WWOX: variants seen among roughly 807,000 people sequenced by gnomAD.
The protein encoded by WWOX is WW domain-containing oxidoreductase.
In WWOX, 69 loss-of-function variants were observed where a neutral mutation model predicts 46.2. The ratio of observed to expected loss-of-function variants is 1.49; its 90% CI spans 1.23 to 1.82. The LOEUF is 1.82. Among genes scored for constraint, WWOX ranks in the 40% most tolerant of loss-of-function variants. The pLI is 0.00. For synonymous variants in WWOX, 359 were observed against 202.6 expected, an observed-to-expected ratio of 1.77 and a Z score of -6.56; for missense variants, 919 against 542.6, an observed-to-expected ratio of 1.69 and a Z score of -6.89.
chr16:78,718,092 G>GTTTTTTTTTTTTTTTATTTTTTTT, intron 8 of WWOX, among the ~76,000 whole-genome samples: 3 of 139,616 alleles, frequency 2.1e-5, no homozygotes, highest in South Asian at 2.2e-4. Flanking sequence ...GGTTCTGGTG[G>GTTTTTTTTTTTTTTTATTTTTTTT]TTGTATTTTT....
At chr16:78,944,002 T>C (rs895739315) in intron 8 of WWOX, among the ~76,000 whole-genome samples, 2 of 152,152 alleles carry the variant, frequency 1.3e-5, no homozygotes, top group Non-Finnish European at 2.9e-5. Context: ...TAGAAGCTCA[T>C]CAAGGAAAGG....
intron 8 of WWOX, among the ~76,000 whole-genome samples, chr16:79,142,341 A>C (rs532393784): frequency 6.6e-6 from 1 of 152,282 alleles, no homozygotes; most frequent in East Asian, 1.9e-4. Context: ...TTTGTGCTGG[A>C]ACTGGCTGCA....
At chr16:79,008,785 C>T (rs899968568) in intron 8 of WWOX, among the ~76,000 whole-genome samples, 4 of 152,218 alleles carry the variant, frequency 2.6e-5, no homozygotes, top group African/African-American at 9.6e-5. Context: ...GCACCTGTCC[C>T]AGGCCTTGTC....
intron 4 of WWOX, among the ~76,000 whole-genome samples, 168 bp from the exon 5 acceptor site, chr16:78,164,015 G>C (rs967701409): frequency 1.5e-4 from 23 of 152,110 alleles, no homozygotes; most frequent in African/African-American, 5.6e-4. Context: ...CCCCACAACT[G>C]TGGCCACTGA....
intron 8 of WWOX, among the ~76,000 whole-genome samples, chr16:78,754,834 T>C (rs1183263368): frequency 6.6e-6 from 1 of 152,160 alleles, no homozygotes; most frequent in Non-Finnish European, 1.5e-5. Flanking sequence ...GCCTGGGAGC[T>C]GTACTACCTC....
intron 8 of WWOX, among the ~76,000 whole-genome samples, chr16:79,051,700 A>G (rs2048170657): frequency 6.6e-6 from 1 of 152,242 alleles, no homozygotes; most frequent in African/African-American, 2.4e-5. Context: ...ACAAGGGTGT[A>G]AAAAGTAGAG....
intron 8 of WWOX, among the ~76,000 whole-genome samples, chr16:78,631,109 A>C (rs970776039): frequency 6.6e-6 from 1 of 152,172 alleles, no homozygotes; most frequent in Non-Finnish European, 1.5e-5. Context: ...CATTATATGC[A>C]AATACTATAC....
intron 5 of WWOX, among the ~76,000 whole-genome samples, chr16:78,195,903 A>G (rs868189822): frequency 6.6e-6 from 1 of 152,048 alleles, no homozygotes; most frequent in Non-Finnish European, 1.5e-5. Flanking sequence ...TTCCGTTCCA[A>G]CTGGGCTTTT....
chr16:78,437,876 A>G (rs1454911874), intron 8 of WWOX, among the ~76,000 whole-genome samples: 1 of 152,184 alleles, frequency 6.6e-6, no homozygotes, highest in Admixed American at 6.5e-5. Flanking sequence ...ATTACTCTAA[A>G]ATGTTTTGCA....
chr16:78,416,351 C>G (rs2082797356), intron 6 of WWOX, among the ~76,000 whole-genome samples: 1 of 152,168 alleles, frequency 6.6e-6, no homozygotes, highest in African/African-American at 2.4e-5. Context: ...TTTGTACAAG[C>G]CAATTAAGTG....
At chr16:78,192,720 T>A (rs2035922322) in intron 5 of WWOX, among the ~76,000 whole-genome samples, 1 of 152,234 alleles carries the variant, frequency 6.6e-6, no homozygotes. Context: ...CTTCCTTGTT[T>A]ATTTTTTGAC....
intron 8 of WWOX, among the ~76,000 whole-genome samples, chr16:79,147,160 C>T (rs554407924): frequency 7.0e-4 from 107 of 152,260 alleles, no homozygotes; most frequent in Non-Finnish European, 1.2e-3. Context: ...AAATGTGTAG[C>T]TTCCTTTATA....
In WWOX at chr16:79,098,152, A is replaced by G. The variant is rs115304813; in HGVS notation, c.1057-113456A>G. On this transcript the variant is annotated intron_variant, in intron 8 of 8. Coordinates refer to ENST00000566780, the MANE Select transcript of WWOX (RefSeq NM_016373.4). ...ATTTCAAACCTGTCTGCTCATCAGA[A>G]TCACCTGGGAGCTTGAAAACACACA... 6.2e-3 allele frequency among the ~76,000 whole-genome samples: 942 copies of G among 152,334 alleles called. 11 individuals carry two copies. Among genetic ancestry groups the G allele is most frequent in the African/African-American group, 0.022 (911 of 41,558 alleles).
At chr16:78,719,754 C>T (rs1157999443) in intron 8 of WWOX, among the ~76,000 whole-genome samples, 8 of 152,144 alleles carry the variant, frequency 5.3e-5, no homozygotes, top group Admixed American at 5.2e-4. Flanking sequence ...CTTTAAGCTT[C>T]ATCAAGTTAA....
intron 8 of WWOX, among the ~76,000 whole-genome samples, chr16:78,484,821 G>A (rs2084588245): frequency 6.6e-6 from 1 of 152,168 alleles, no homozygotes; most frequent in African/African-American, 2.4e-5. Context: ...CTGGAAGATG[G>A]GTGGGGTGGG....
chr16:79,207,938 A>G (rs2051574725), intron 8 of WWOX, among the ~76,000 whole-genome samples: 1 of 152,160 alleles, frequency 6.6e-6, no homozygotes, highest in South Asian at 2.1e-4. Context: ...GCTACTTAAC[A>G]TTTTCATCCC....
intron 8 of WWOX, among the ~76,000 whole-genome samples, chr16:78,931,405 G>C (rs901957573): frequency 6.6e-6 from 1 of 152,220 alleles, no homozygotes; most frequent in African/African-American, 2.4e-5. Flanking sequence ...GATGGAGGGA[G>C]AATGGGAAGT....
At chr16:79,043,509 A>C (rs2048010496) in intron 8 of WWOX, among the ~76,000 whole-genome samples, 1 of 152,172 alleles carries the variant, frequency 6.6e-6, no homozygotes, top group East Asian at 1.9e-4. Context: ...CCAGGGGTAG[A>C]CGTGAGTTCA....
intron 1 of WWOX, 29 bp downstream of exon 1, chr16:78,099,914 G>T: frequency 6.5e-7 from 1 of 1,549,986 alleles, no homozygotes; most frequent in Non-Finnish European, 8.7e-7. Flanking sequence ...GGCCGCGGAC[G>T]CACCTGGGAC....
Sources: gnomAD v4.1 joint callset for allele counts (sites outside exome capture counted in the v4.1 genomes callset) on GRCh38, gnomAD v4.1.1 for gene constraint, MANE v1.5 for transcripts, NCBI Gene and HGNC (gene_info 2026-07-23, HGNC 2026-07-21) for gene names.